The following SLCO1B3 variants were observed in gnomAD, a reference collection of about 807,000 sequenced individuals.
SLCO1B3 encodes the protein solute carrier organic anion transporter family member 1B3.
In SLCO1B3, 72 loss-of-function variants were observed where a neutral mutation model predicts 71.8. That is an observed-to-expected ratio of 1.00 (90% CI 0.83 to 1.22). SLCO1B3 has a LOEUF of 1.22. Among genes scored for constraint, SLCO1B3 ranks in the 50% most tolerant of loss-of-function variants. The pLI is 0.00. For missense variants in SLCO1B3, 911 were observed against 819.7 expected, an observed-to-expected ratio of 1.11 and a Z score of -1.36; for synonymous variants, 298 against 278.4, an observed-to-expected ratio of 1.07 and a Z score of -0.70.
intron 11 of SLCO1B3, among the ~76,000 whole-genome samples, chr12:20,879,942 A>G (rs1466535751): frequency 6.6e-6 from 1 of 152,084 alleles, no homozygotes; most frequent in Admixed American, 6.6e-5. Flanking sequence ...CACACATTAT[A>G]TGGCTAGCAA....
At chr12:20,911,252 A>C (rs1038195903) in intron 15 of SLCO1B3, among the ~76,000 whole-genome samples, 1 of 152,164 alleles carries the variant, frequency 6.6e-6, no homozygotes. Context: ...TAAATTATAT[A>C]ATTGATTTTT....
At chr12:20,847,369 C>A (rs1313113153) in intron 3 of SLCO1B3, among the ~76,000 whole-genome samples, 2 of 152,036 alleles carry the variant, frequency 1.3e-5, no homozygotes, top group African/African-American at 2.4e-5. Context: ...AGAGAGGAAC[C>A]CTTCATGATG....
chr12:20,893,027 G>A (rs1054634904), intron 13 of SLCO1B3, among the ~76,000 whole-genome samples: 1 of 152,184 alleles, frequency 6.6e-6, no homozygotes, highest in Admixed American at 6.5e-5. Flanking sequence ...GATGAGAAAG[G>A]AAGTGAAGAG....
At chr12:20,831,052 T>A (rs960430000) in intron 3 of SLCO1B3, among the ~76,000 whole-genome samples, 2 of 150,684 alleles carry the variant, frequency 1.3e-5, no homozygotes, top group Non-Finnish European at 2.9e-5. Context: ...TAAGGCACAT[T>A]ACCTGCAGTC....
chr12:20,828,731 T>C (rs1864480146), intron 3 of SLCO1B3, among the ~76,000 whole-genome samples: 1 of 152,062 alleles, frequency 6.6e-6, no homozygotes, highest in Non-Finnish European at 1.5e-5. Flanking sequence ...ACTAAATACA[T>C]CCTTTTAAAT....
intron 3 of SLCO1B3, among the ~76,000 whole-genome samples, chr12:20,840,730 C>G (rs530244488): frequency 2.0e-5 from 3 of 152,178 alleles, no homozygotes; most frequent in East Asian, 3.9e-4. Context: ...GAATATTTCT[C>G]TCTGTAATAT....
In SLCO1B3 at chr12:20,877,869, T is replaced by C. The variant is rs150373728; in HGVS notation, c.1068T>C (p.Phe356=). 2.0e-5 allele frequency: 32 copies of C among 1,592,926 alleles called. No individual in the cohort carries two copies. The African/African-American group carries it at 3.9e-4, about 20-fold the overall frequency. ...LLQVSSFIGS[F]TYVFKYMEQQ... ...AAGTAAGCAGCTTTATTGGTTCTTTTACTTACGTCTTTAAATATATGGAGC... is the reference window on the plus strand; with the variant it reads ...AAGTAAGCAGCTTTATTGGTTCTTTCACTTACGTCTTTAAATATATGGAGC... The change falls in exon 10 of 16, where the codon TTT becomes TTC. Residue 356 remains phenylalanine, a synonymous_variant. Coordinates refer to ENST00000381545, the MANE Select transcript of SLCO1B3 (RefSeq NM_019844.4).
intron 3 of SLCO1B3, among the ~76,000 whole-genome samples, chr12:20,827,989 T>C (rs1299237085): frequency 3.3e-5 from 5 of 152,168 alleles, no homozygotes; most frequent in Non-Finnish European, 5.9e-5. Flanking sequence ...AGTGGTGTGC[T>C]AGAGGGAGAT....
chr12:20,889,138 G>C (rs759706214), intron 13 of SLCO1B3, among the ~76,000 whole-genome samples: 1 of 150,372 alleles, frequency 6.7e-6, no homozygotes, highest in Non-Finnish European at 1.5e-5. Flanking sequence ...GTTCATCAGG[G>C]ATATTAATGT....
intron 8 of SLCO1B3, among the ~76,000 whole-genome samples, chr12:20,867,574 A>G (rs1341952431): frequency 6.6e-6 from 1 of 152,200 alleles, no homozygotes; most frequent in African/African-American, 2.4e-5. Flanking sequence ...ATGATGAGGA[A>G]GAAGACATGG....
At chr12:20,879,701 A>G in intron 11 of SLCO1B3, 70 bp downstream of exon 11, 1 of 1,022,620 alleles carries the variant, frequency 9.8e-7, no homozygotes, top group Non-Finnish European at 1.4e-6. Flanking sequence ...GTGCAAGTAA[A>G]ATAAGGTAGA....
At chr12:20,816,737 T>TG (rs1359706635) in intron 3 of SLCO1B3, among the ~76,000 whole-genome samples, 1 of 152,234 alleles carries the variant, frequency 6.6e-6, no homozygotes, top group Admixed American at 6.5e-5. Flanking sequence ...CTGGATCACG[T>TG]GGTAGCTCAA....
intron 14 of SLCO1B3, 83 bp from the exon 15 acceptor site, chr12:20,901,267 C>G: frequency 1.1e-6 from 1 of 915,400 alleles, no homozygotes. Flanking sequence ...TTGTATTAAT[C>G]CAAAATGTAT....
intron 14 of SLCO1B3, among the ~76,000 whole-genome samples, chr12:20,899,893 C>T (rs1443965294): frequency 6.6e-6 from 1 of 152,118 alleles, no homozygotes; most frequent in African/African-American, 2.4e-5. Flanking sequence ...TGGGAAACAT[C>T]CACACTTGGT....
At chr12:20,912,375 G>T (rs1047810253) in intron 15 of SLCO1B3, among the ~76,000 whole-genome samples, 20 of 150,032 alleles carry the variant, frequency 1.3e-4, no homozygotes, top group African/African-American at 4.9e-4. Flanking sequence ...TGTTACCAAG[G>T]CTGGAGTGCA....
chr12:20,862,294 CT>C, intron 6 of SLCO1B3, 117 bp from the exon 7 acceptor site: 1 of 1,185,056 alleles, frequency 8.4e-7, no homozygotes, highest in East Asian at 2.6e-5. Context: ...ATATGAATCA[CT>C]TGTAATTAGG....
chr12:20,817,039 G>A (rs1464712205), intron 3 of SLCO1B3, among the ~76,000 whole-genome samples: 1 of 152,086 alleles, frequency 6.6e-6, no homozygotes, highest in Admixed American at 6.5e-5. Context: ...CCTACCTTTT[G>A]ATCGGATTAT....
At chr12:20,839,214 TA>T (rs142998208) in intron 3 of SLCO1B3, among the ~76,000 whole-genome samples, 8,747 of 151,970 alleles carry the variant, frequency 0.058, 322 homozygotes, top group East Asian at 0.17. Flanking sequence ...AATTAAGAAT[TA>T]AAAAAAACTT....
rs1381003869 is a variant in SLCO1B3 at position 20,875,423 on chromosome 12, A to G, written c.916A>G (p.Asn306Asp). The change falls in exon 9 of 16, where the codon AAT becomes GAT. Residue 306 changes from asparagine (N) to aspartate (D), a missense_variant. Coordinates refer to ENST00000381545, the MANE Select transcript of SLCO1B3 (RefSeq NM_019844.4). ...TGTGCTGAAAACAAATGATGATAGA[A>G]ATCAAACAGCTAATTTGACCAACCA... ...LHVLKTNDDR[N>D]QTANLTNQGK... 6.2e-7 allele frequency: 1 copy of G among 1,607,402 alleles called. No individual in the cohort carries two copies.
Sources: gnomAD v4.1 joint callset for allele counts (sites outside exome capture counted in the v4.1 genomes callset) on GRCh38, gnomAD v4.1.1 for gene constraint, MANE v1.5 for transcripts, NCBI Gene and HGNC (gene_info 2026-07-23, HGNC 2026-07-21) for gene names.